MBOAT1: variants seen among roughly 807,000 people sequenced by gnomAD.
The protein encoded by MBOAT1 is membrane-bound glycerophospholipid O-acyltransferase 1.
Under a neutral mutation model 64.4 loss-of-function variants are expected in MBOAT1, and 67 were observed. The observed-to-expected ratio is 1.04, with a 90% CI of 0.85 to 1.27. The LOEUF (loss-of-function observed/expected upper bound fraction) is 1.27. MBOAT1 is among the 50% of genes most tolerant of loss of function. The pLI is 0.00. For missense variants in MBOAT1, 563 were observed against 604.6 expected (o/e 0.93, Z 0.72); for synonymous variants, 229 against 218.9 (o/e 1.05, Z -0.41).
At chr6:20,174,307 T>C (rs866654833) in intron 1 of MBOAT1, among the ~76,000 whole-genome samples, 7 of 152,210 alleles carry the variant, frequency 4.6e-5, no homozygotes, top group South Asian at 2.1e-4. Context: ...GCAAGCATCA[T>C]AGAGTGTACT....
chr6:20,131,530 A>T (rs1450321193), intron 4 of MBOAT1, among the ~76,000 whole-genome samples: 1 of 152,162 alleles, frequency 6.6e-6, no homozygotes, highest in Non-Finnish European at 1.5e-5. Context: ...CTCCTCAGCC[A>T]TGAGGAACTG....
chr6:20,110,620 A>G (rs1231579109), intron 11 of MBOAT1, among the ~76,000 whole-genome samples: 1 of 151,998 alleles, frequency 6.6e-6, no homozygotes, highest in Non-Finnish European at 1.5e-5. Context: ...CTTTTTTAAC[A>G]CCTCCCAAAG....
At chr6:20,189,360 T>C (rs1362589358) in intron 1 of MBOAT1, among the ~76,000 whole-genome samples, 1 of 152,244 alleles carries the variant, frequency 6.6e-6, no homozygotes. Context: ...ACATCATTTA[T>C]TTGTGGTGAG....
intron 11 of MBOAT1, among the ~76,000 whole-genome samples, chr6:20,112,215 C>G (rs940226499): frequency 6.6e-6 from 1 of 152,000 alleles, no homozygotes; most frequent in Non-Finnish European, 1.5e-5. Flanking sequence ...GCAATTACTT[C>G]TATGCATGTT....
intron 12 of MBOAT1, among the ~76,000 whole-genome samples, chr6:20,103,570 T>C (rs1416999437): frequency 1.3e-5 from 2 of 152,066 alleles, no homozygotes; most frequent in Non-Finnish European, 2.9e-5. Context: ...TAGCTGGGAC[T>C]ACATGCGCCA....
intron 1 of MBOAT1, among the ~76,000 whole-genome samples, chr6:20,178,699 T>C (rs9460464): frequency 0.15 from 23,298 of 152,102 alleles, 3,409 homozygotes; most frequent in African/African-American, 0.39. Context: ...CCAGGTATAC[T>C]TCAAGTACAC....
At position 20,132,867 on chromosome 6, in the gene MBOAT1, A is replaced by G. The variant is rs535570712; in HGVS notation, c.420-1668T>C. On this transcript the variant is annotated intron_variant, in intron 4 of 12. Transcript: ENST00000324607. The stretch of plus-strand genomic sequence containing the variant: ...TATATAAAAACACTCTTACAACTCA[A>G]TAATACAAACCACTTTTAGGCCACA... Among the ~76,000 whole-genome samples, 39 of 152,294 alleles carry G rather than the reference A, an allele frequency of 2.6e-4. No homozygotes were observed. The East Asian group carries it at 5.8e-3, about 23-fold the overall frequency.
intron 1 of MBOAT1, among the ~76,000 whole-genome samples, chr6:20,161,189 C>T (rs1761846285): frequency 6.6e-6 from 1 of 152,026 alleles, no homozygotes; most frequent in Non-Finnish European, 1.5e-5. Flanking sequence ...CTATGGTGAA[C>T]CATGCATGCC....
chr6:20,133,175 A>G (rs529932715), intron 4 of MBOAT1, among the ~76,000 whole-genome samples: 3 of 152,360 alleles, frequency 2.0e-5, no homozygotes, highest in Admixed American at 6.5e-5. Flanking sequence ...AATGTTGTAC[A>G]TGAGGCTGAG....
At chr6:20,130,409 A>C (rs2113658695) in intron 5 of MBOAT1, among the ~76,000 whole-genome samples, 1 of 152,242 alleles carries the variant, frequency 6.6e-6, no homozygotes, top group South Asian at 2.1e-4. Flanking sequence ...GCTGGAGTGC[A>C]GTGGCGCGAT....
At chr6:20,179,624 AT>A (rs1357017344) in intron 1 of MBOAT1, among the ~76,000 whole-genome samples, 5 of 152,214 alleles carry the variant, frequency 3.3e-5, no homozygotes, top group Non-Finnish European at 7.3e-5. Context: ...TGCAATGAAC[AT>A]ATGCATGCAT....
chr6:20,182,645 C>T (rs1762542494), intron 1 of MBOAT1, among the ~76,000 whole-genome samples: 1 of 152,182 alleles, frequency 6.6e-6, no homozygotes. Flanking sequence ...GCTGCCAGCC[C>T]ACAGACTGCC....
At chr6:20,177,282 A>G (rs1230815286) in intron 1 of MBOAT1, among the ~76,000 whole-genome samples, 1 of 152,230 alleles carries the variant, frequency 6.6e-6, no homozygotes, top group Non-Finnish European at 1.5e-5. Flanking sequence ...GATAACAAAT[A>G]TATCTATTTC....
chr6:20,192,995 CTTTTTTTTTTTTT>C (rs1174816793), intron 1 of MBOAT1, among the ~76,000 whole-genome samples: 4 of 55,048 alleles, frequency 7.3e-5, no homozygotes, highest in African/African-American at 1.3e-4. Context: ...GCTATAATTT[CTTTTTTTTTTTTT>C]TTTTTTTTTT....
At chr6:20,133,491 C>G (rs1760892147) in intron 4 of MBOAT1, among the ~76,000 whole-genome samples, 1 of 152,190 alleles carries the variant, frequency 6.6e-6, no homozygotes, top group Non-Finnish European at 1.5e-5. Flanking sequence ...GCATCACACT[C>G]AAGGTAGTTT....
At chr6:20,124,241 G>A (rs895325229) in intron 8 of MBOAT1, among the ~76,000 whole-genome samples, 167 bp downstream of exon 8, 21 of 152,288 alleles carry the variant, frequency 1.4e-4, no homozygotes, top group Non-Finnish European at 2.4e-4. Context: ...TATGGAGGGT[G>A]GGAGAGAGGA....
chr6:20,204,970 G>C (rs1229330357), intron 1 of MBOAT1, among the ~76,000 whole-genome samples: 3 of 152,190 alleles, frequency 2.0e-5, no homozygotes, highest in Non-Finnish European at 4.4e-5. Context: ...GCTGAGGTGA[G>C]AGGATCGTTT....
At chr6:20,151,082 C>T (rs778776977) in intron 3 of MBOAT1, 103 bp downstream of exon 3, 1 of 812,474 alleles carries the variant, frequency 1.2e-6, no homozygotes, top group Non-Finnish European at 2.0e-6. Context: ...AGATATACCA[C>T]TTGTGGAAAA....
intron 1 of MBOAT1, among the ~76,000 whole-genome samples, chr6:20,171,158 G>A (rs1015939534): frequency 6.6e-6 from 1 of 152,134 alleles, no homozygotes; most frequent in African/African-American, 2.4e-5. Flanking sequence ...CTGAAAGGCT[G>A]ATGTGTAAGA....
Sources: allele counts gnomAD v4.1 joint callset (sites outside exome capture counted in the v4.1 genomes callset), GRCh38; gene constraint gnomAD v4.1.1; transcripts MANE v1.5; gene names NCBI Gene and HGNC (gene_info 2026-07-23, HGNC 2026-07-21).